Variants in GUCY1A2 observed in about 807,000 individuals in gnomAD.
The protein encoded by GUCY1A2 is guanylate cyclase soluble subunit alpha-2.
In GUCY1A2, 27 loss-of-function variants were observed where a neutral mutation model predicts 63.5. The observed-to-expected ratio is 0.43, with a 90% CI of 0.31 to 0.59. The LOEUF (loss-of-function observed/expected upper bound fraction) is 0.59. Ranked by LOEUF, GUCY1A2 falls within the 20% of genes least tolerant of loss-of-function variation. The pLI is 0.11. For synonymous variants in GUCY1A2, 364 were observed against 343.5 expected, an observed-to-expected ratio of 1.06 and a Z score of -0.66; for missense variants, 768 against 913.3, an observed-to-expected ratio of 0.84 and a Z score of 2.05.
intron 6 of GUCY1A2, among the ~76,000 whole-genome samples, chr11:106,775,346 C>T (rs1244485289): frequency 6.6e-6 from 1 of 152,056 alleles, no homozygotes; most frequent in Non-Finnish European, 1.5e-5. Context: ...CTTATTTTTA[C>T]AACACATGGA....
intron 6 of GUCY1A2, among the ~76,000 whole-genome samples, chr11:106,726,373 G>T (rs1385513203): frequency 6.6e-6 from 1 of 152,070 alleles, no homozygotes; most frequent in Admixed American, 6.5e-5. Flanking sequence ...CCGAGACCGG[G>T]CCATTGTACT....
chr11:107,004,795 A>G (rs970572466), intron 1 of GUCY1A2, among the ~76,000 whole-genome samples: 3 of 152,226 alleles, frequency 2.0e-5, no homozygotes, highest in Admixed American at 6.5e-5. Flanking sequence ...GGAAGAGCCA[A>G]TCTTGGGAGA....
chr11:106,742,675 A>ATTATT (rs1482223353), intron 6 of GUCY1A2, among the ~76,000 whole-genome samples: 1 of 152,184 alleles, frequency 6.6e-6, no homozygotes, highest in African/African-American at 2.4e-5. Context: ...TTATAACAGA[A>ATTATT]TTATTTATAT....
intron 3 of GUCY1A2, among the ~76,000 whole-genome samples, chr11:106,944,283 A>G (rs1009382894): frequency 9.5e-6 from 1 of 105,660 alleles, no homozygotes; most frequent in African/African-American, 3.3e-5. Context: ...TGTCTTTACT[A>G]AAAATACAAA....
chr11:106,783,877 T>C (rs73551810), intron 5 of GUCY1A2, among the ~76,000 whole-genome samples: 2,172 of 152,272 alleles, frequency 0.014, 41 homozygotes, highest in African/African-American at 0.048. Flanking sequence ...GGGATATTTT[T>C]TGTTTGATGA....
chr11:106,776,516 T>G lies in GUCY1A2; in HGVS notation c.1759A>C (p.Lys587Gln), dbSNP rs202036442. The change falls in exon 6 of 8, where the codon AAA becomes CAA. Residue 587 changes from lysine to glutamine, a missense_variant. Lys to Gln is a moderately conservative substitution (Grantham distance 53). This residue lies in a region of GUCY1A2 where 150 missense variants were observed against 188.3 expected (regional missense o/e 0.80). Coordinates refer to ENST00000526355, the MANE Select transcript of GUCY1A2 (RefSeq NM_000855.3). ...TTCAAGGCCATCAGAGCAATGGGTTTAGCATGGCAGAGGCTTTTTCTGTGG... is the reference window on the plus strand; with the variant it reads ...TTCAAGGCCATCAGAGCAATGGGTTGAGCATGGCAGAGGCTTTTTCTGTGG... ...GLHRKSLCHAKPIALMALKMM... is the reference protein window; with the variant it reads ...GLHRKSLCHAQPIALMALKMM... The G allele has an allele frequency of 1.1e-5, 18 of 1,613,708 alleles. No individual in the cohort carries two copies. Among genetic ancestry groups the G allele is most frequent in the Non-Finnish European group, 2.5e-6 (3 of 1,179,582 alleles).
At chr11:106,975,642 T>G (rs987347252) in intron 3 of GUCY1A2, among the ~76,000 whole-genome samples, 3 of 151,982 alleles carry the variant, frequency 2.0e-5, no homozygotes, top group African/African-American at 7.3e-5. Flanking sequence ...ATAATCAATA[T>G]CCGTAATTTG....
chr11:106,965,832 TTAAA>T (rs879401566), intron 3 of GUCY1A2, among the ~76,000 whole-genome samples: 1 of 152,036 alleles, frequency 6.6e-6, no homozygotes, highest in Non-Finnish European at 1.5e-5. Context: ...TTCATTCATC[TTAAA>T]TAAATCCAGA....
At chr11:106,850,525 T>G (rs746182675) in intron 4 of GUCY1A2, among the ~76,000 whole-genome samples, 1 of 151,758 alleles carries the variant, frequency 6.6e-6, no homozygotes, top group Non-Finnish European at 1.5e-5. Flanking sequence ...CTTCCCAACC[T>G]CACCCACAAT....
At chr11:106,843,959 A>G (rs1325773813) in intron 4 of GUCY1A2, among the ~76,000 whole-genome samples, 1 of 151,884 alleles carries the variant, frequency 6.6e-6, no homozygotes, top group African/African-American at 2.4e-5. Flanking sequence ...ATGAGGTATA[A>G]CATCGGTCAG....
rs1190702581 is a variant in GUCY1A2 at position 107,018,446 on chromosome 11, A to G, written c.-391T>C. 4 of 150,576 alleles carry G rather than the reference A, an allele frequency of 2.7e-5. No individual in the cohort carries two copies. Among genetic ancestry groups the G allele is most frequent in the Admixed American group, 2.6e-4 (4 of 15,172 alleles). The allele number at this position is 150,576 out of a possible 1,614,324, so 9.3% of individuals were successfully genotyped here. A position where few individuals can be genotyped will look rare whatever the true frequency, so the allele number is the denominator to read the frequency against. On this transcript the variant is annotated 5_prime_UTR_variant, in exon 1 of 8. Transcript: ENST00000526355. The stretch of plus-strand genomic sequence containing the variant: ...GCGGGGCGGGGAGGGCTGCGGCCCA[A>G]GCAGAAGGGGAGGCAGAGGCAGAGG...
chr11:106,865,004 C>T (rs1321142340), intron 4 of GUCY1A2, among the ~76,000 whole-genome samples: 1 of 152,070 alleles, frequency 6.6e-6, no homozygotes, highest in Non-Finnish European at 1.5e-5. Context: ...ATCAGCTCCA[C>T]TTTGTACCTC....
intron 6 of GUCY1A2, among the ~76,000 whole-genome samples, chr11:106,745,648 T>C (rs1863775018): frequency 6.6e-6 from 1 of 152,232 alleles, no homozygotes; most frequent in Admixed American, 6.5e-5. Flanking sequence ...ACAATAGATA[T>C]TCCATAAATA....
chr11:106,993,278 T>C (rs1208912013), intron 1 of GUCY1A2, among the ~76,000 whole-genome samples: 1 of 152,232 alleles, frequency 6.6e-6, no homozygotes, highest in East Asian at 1.9e-4. Context: ...TAGGATACCC[T>C]ATGTCAAATT....
chr11:106,710,002 A>G (rs796886084), intron 6 of GUCY1A2, among the ~76,000 whole-genome samples: 1 of 7,822 alleles, frequency 1.3e-4, no homozygotes, highest in Non-Finnish European at 2.0e-4. Flanking sequence ...ATATAGTTAT[A>G]TATAATAGTT....
At chr11:106,819,587 GT>G (rs761154077) in intron 4 of GUCY1A2, among the ~76,000 whole-genome samples, 49 of 151,450 alleles carry the variant, frequency 3.2e-4, no homozygotes, top group Admixed American at 1.7e-3. Context: ...TAGCAATAAA[GT>G]TTTTTTTTAT....
intron 1 of GUCY1A2, among the ~76,000 whole-genome samples, chr11:106,995,427 C>T (rs930328730): frequency 1.3e-5 from 2 of 152,176 alleles, no homozygotes; most frequent in African/African-American, 4.8e-5. Context: ...ATCTCCAACC[C>T]CTTAACCTGC....
chr11:106,918,333 T>C lies in GUCY1A2; in HGVS notation c.1206+21127A>G, dbSNP rs554307755. 1.3e-4 allele frequency among the ~76,000 whole-genome samples: 19 copies of C among 145,874 alleles called. 3 individuals carry two copies. In the South Asian group the frequency reaches 2.4e-3, roughly 18 times the overall value. On this transcript the variant is annotated intron_variant, in intron 4 of 7. Coordinates refer to ENST00000526355, the MANE Select transcript of GUCY1A2 (RefSeq NM_000855.3). Reference sequence around the variant, plus strand: ...AGAGCCCCACATTGAATGCAGCACTTGGCAACTGTCCAATTTGCCTTCCCT... The same window carrying C: ...AGAGCCCCACATTGAATGCAGCACTCGGCAACTGTCCAATTTGCCTTCCCT...
At chr11:106,927,303 G>C (rs537642088) in intron 4 of GUCY1A2, among the ~76,000 whole-genome samples, 1 of 151,534 alleles carries the variant, frequency 6.6e-6, no homozygotes, top group Non-Finnish European at 1.5e-5. Flanking sequence ...AACCCGGGGG[G>C]CGGAGCTTGC....
Sources: allele counts gnomAD v4.1 joint callset (sites outside exome capture counted in the v4.1 genomes callset), GRCh38; gene constraint gnomAD v4.1.1; regional missense constraint gnomAD v4.1.1; transcripts MANE v1.5; gene names NCBI Gene and HGNC (gene_info 2026-07-23, HGNC 2026-07-21).